The following GRM8 variants were observed in gnomAD, a reference collection of about 807,000 sequenced individuals.
The protein encoded by GRM8 is glutamate metabotropic receptor 8.
Under a neutral mutation model 87.2 loss-of-function variants are expected in GRM8, and 47 were observed. That is an observed-to-expected ratio of 0.54 (90% CI 0.43 to 0.69). GRM8 has a LOEUF of 0.69. Among genes scored for constraint, GRM8 ranks in the 30% least tolerant of loss-of-function variants. The pLI is 0.00. For synonymous variants in GRM8, 396 were observed against 404.5 expected (o/e 0.98, Z 0.25); for missense variants, 1,019 against 1,139.2 (o/e 0.89, Z 1.52).
chr7:126,677,996 T>C (rs573498959), intron 7 of GRM8, among the ~76,000 whole-genome samples: 1 of 152,220 alleles, frequency 6.6e-6, no homozygotes, highest in Non-Finnish European at 1.5e-5. Context: ...AGAGGCATCC[T>C]GGGCACTGGG....
rs548628150 is a variant in GRM8, at chr7:126,987,769, T to C, written c.728-83086A>G. 2.6e-5 allele frequency among the ~76,000 whole-genome samples: 4 copies of C among 152,256 alleles called. No individual in the cohort carries two copies. The South Asian group carries it at 8.3e-4, about 32-fold the overall frequency. Reference sequence around the variant, plus strand: ...TGAGCCACGGCGCCCGGCCTTCTTGTTTACAGTTTTATCTCCAACACATGT... The same window carrying C: ...TGAGCCACGGCGCCCGGCCTTCTTGCTTACAGTTTTATCTCCAACACATGT... On this transcript the variant is annotated intron_variant, in intron 3 of 10. Transcript: ENST00000339582.
At chr7:126,874,091 C>T (rs1475260932) in intron 6 of GRM8, among the ~76,000 whole-genome samples, 1 of 151,842 alleles carries the variant, frequency 6.6e-6, no homozygotes, top group Non-Finnish European at 1.5e-5. Context: ...TGTCAAATTC[C>T]CATGTTTTTT....
chr7:127,140,636 T>C (rs1295411554), intron 2 of GRM8, among the ~76,000 whole-genome samples: 1 of 152,100 alleles, frequency 6.6e-6, no homozygotes, highest in Non-Finnish European at 1.5e-5. Flanking sequence ...TTTCCATCTC[T>C]CCATTTCCTT....
At chr7:126,948,288 G>T (rs1405550668) in intron 3 of GRM8, among the ~76,000 whole-genome samples, 7 of 151,794 alleles carry the variant, frequency 4.6e-5, no homozygotes, top group Admixed American at 4.6e-4. Flanking sequence ...ATATAATTGA[G>T]CTGCATTTTG....
intron 3 of GRM8, among the ~76,000 whole-genome samples, chr7:127,026,411 G>A (rs530244980): frequency 6.6e-6 from 1 of 152,234 alleles, no homozygotes; most frequent in Non-Finnish European, 1.5e-5. Flanking sequence ...CTAGATCCCT[G>A]AGGAATCGCC....
chr7:127,104,364 G>C (rs1825618302), intron 3 of GRM8, among the ~76,000 whole-genome samples: 1 of 152,060 alleles, frequency 6.6e-6, no homozygotes, highest in Non-Finnish European at 1.5e-5. Context: ...TTTCATTAGA[G>C]ACATCAGATA....
At chr7:126,974,021 C>A (rs1424752781) in intron 3 of GRM8, among the ~76,000 whole-genome samples, 3 of 152,244 alleles carry the variant, frequency 2.0e-5, no homozygotes, top group East Asian at 1.9e-4. Context: ...TACACAGGTA[C>A]CTGAGATAGT....
At chr7:126,754,156 T>C (rs1293631397) in intron 7 of GRM8, among the ~76,000 whole-genome samples, 1 of 151,888 alleles carries the variant, frequency 6.6e-6, no homozygotes, top group Non-Finnish European at 1.5e-5. Context: ...TTATGTTAGA[T>C]TGAATCTGTT....
intron 7 of GRM8, among the ~76,000 whole-genome samples, chr7:126,683,612 T>G (rs1333735504): frequency 6.6e-6 from 1 of 152,202 alleles, no homozygotes; most frequent in Non-Finnish European, 1.5e-5. Context: ...CATGTAAACC[T>G]TACTGAAGGT....
chr7:126,936,306 G>A (rs1160294246), intron 3 of GRM8, among the ~76,000 whole-genome samples: 1 of 152,078 alleles, frequency 6.6e-6, no homozygotes, highest in Non-Finnish European at 1.5e-5. Flanking sequence ...ACCTAGAGGA[G>A]ATTTTTCTTT....
intron 3 of GRM8, among the ~76,000 whole-genome samples, chr7:126,919,371 C>T (rs1361973): frequency 6.6e-5 from 10 of 152,078 alleles, no homozygotes; most frequent in South Asian, 2.1e-4. Flanking sequence ...AGTTCTAATA[C>T]GGGAATAGAA....
At chr7:126,851,622 C>T (rs781764440) in intron 6 of GRM8, among the ~76,000 whole-genome samples, 4 of 152,102 alleles carry the variant, frequency 2.6e-5, no homozygotes, top group Non-Finnish European at 4.4e-5. Flanking sequence ...CTTCTCTGCC[C>T]AGATGACTGT....
At chr7:126,561,289 G>A (rs1793665709) in intron 8 of GRM8, among the ~76,000 whole-genome samples, 1 of 152,074 alleles carries the variant, frequency 6.6e-6, no homozygotes, top group African/African-American at 2.4e-5. Flanking sequence ...TGGCCAATAT[G>A]GTGAAACCGC....
intron 7 of GRM8, among the ~76,000 whole-genome samples, chr7:126,615,849 A>G (rs1369793762): frequency 6.6e-6 from 1 of 152,246 alleles, no homozygotes; most frequent in Non-Finnish European, 1.5e-5. Flanking sequence ...TATGCACCCA[A>G]TACAGGAGCA....
At chr7:126,978,632 T>C (rs938344269) in intron 3 of GRM8, among the ~76,000 whole-genome samples, 4 of 152,188 alleles carry the variant, frequency 2.6e-5, no homozygotes, top group Non-Finnish European at 5.9e-5. Flanking sequence ...GAAACCCTGA[T>C]TGGATGACCC....
At chr7:126,610,591 CATCTT>C (rs1373605034) in intron 7 of GRM8, among the ~76,000 whole-genome samples, 2 of 152,116 alleles carry the variant, frequency 1.3e-5, no homozygotes, top group Admixed American at 1.3e-4. Context: ...TACATATTCC[CATCTT>C]ATAATGAGCT....
intron 2 of GRM8, among the ~76,000 whole-genome samples, chr7:127,163,538 T>A (rs2116245880): frequency 6.6e-6 from 1 of 152,286 alleles, no homozygotes; most frequent in South Asian, 2.1e-4. Flanking sequence ...TTCCCTTAAT[T>A]CCTTTTATAA....
At chr7:127,073,495 C>T (rs1340288362) in intron 3 of GRM8, among the ~76,000 whole-genome samples, 1 of 152,174 alleles carries the variant, frequency 6.6e-6, no homozygotes, top group East Asian at 1.9e-4. Context: ...AATGAAAGTA[C>T]AGGCTCTGTT....
At chr7:126,839,440 G>C (rs1796080003) in intron 6 of GRM8, among the ~76,000 whole-genome samples, 1 of 152,084 alleles carries the variant, frequency 6.6e-6, no homozygotes, top group Non-Finnish European at 1.5e-5. Context: ...TCAAACTCAG[G>C]GGTCTCTAGC....
Sources: gnomAD v4.1 joint callset for allele counts (sites outside exome capture counted in the v4.1 genomes callset) on GRCh38, gnomAD v4.1.1 for gene constraint, MANE v1.5 for transcripts, NCBI Gene and HGNC (gene_info 2026-07-23, HGNC 2026-07-21) for gene names.